PDE5A: variants seen among roughly 807,000 people sequenced by gnomAD.
PDE5A encodes cGMP-specific 3',5'-cyclic phosphodiesterase.
PDE5A carries 67 observed loss-of-function variants against 110.2 expected under a neutral mutation model. The observed-to-expected ratio is 0.61, with a 90% CI of 0.50 to 0.75. The LOEUF is 0.75. Ranked by LOEUF, PDE5A falls within the 30% of genes least tolerant of loss-of-function variation. The pLI is 0.00. For synonymous variants in PDE5A, 328 were observed against 351.2 expected (o/e 0.93, Z 0.74); for missense variants, 862 against 1,045.1 (o/e 0.82, Z 2.42).
chr4:119,537,126 G>A (rs2110482766), intron 11 of PDE5A, among the ~76,000 whole-genome samples: 1 of 152,148 alleles, frequency 6.6e-6, no homozygotes, highest in South Asian at 2.1e-4. Flanking sequence ...ACTGACTCCT[G>A]TGCCTCCGCC....
At chr4:119,563,592 A>AT (rs1212317486) in intron 5 of PDE5A, among the ~76,000 whole-genome samples, 1 of 152,186 alleles carries the variant, frequency 6.6e-6, no homozygotes, top group Non-Finnish European at 1.5e-5. Context: ...GGGAAGAGAA[A>AT]TATTTCAGGC....
At chr4:119,605,530 C>T (rs548988122) in intron 2 of PDE5A, among the ~76,000 whole-genome samples, 334 of 152,100 alleles carry the variant, frequency 2.2e-3, no homozygotes, top group African/African-American at 7.0e-3. Flanking sequence ...ACCTGTAATC[C>T]CAGCTACTCG....
In PDE5A at chr4:119,534,265, C is replaced by A. The variant is rs59361203; in HGVS notation, c.1632+4695G>T. Among the ~76,000 whole-genome samples, 422 of 152,220 alleles carry A rather than the reference C, an allele frequency of 2.8e-3. 3 individuals are homozygous for A. Among genetic ancestry groups the A allele is most frequent in the African/African-American group, 9.5e-3 (394 of 41,542 alleles). ...CACTGAGTTGTGGACTGGTACCCGA[C>A]CGTGGCTGGTTAGGAACCAGGCCAC... is the stretch of plus-strand genomic sequence containing the variant. On this transcript the variant is annotated intron_variant, in intron 11 of 20. Coordinates refer to ENST00000354960, the MANE Select transcript of PDE5A (RefSeq NM_001083.4).
chr4:119,609,468 C>G (rs1729667702), intron 1 of PDE5A, among the ~76,000 whole-genome samples: 1 of 152,284 alleles, frequency 6.6e-6, no homozygotes, highest in South Asian at 2.1e-4. Flanking sequence ...AAAGAACACA[C>G]TGTCTTATTT....
chr4:119,585,805 G>A (rs1361195006), intron 3 of PDE5A, among the ~76,000 whole-genome samples: 1 of 152,124 alleles, frequency 6.6e-6, no homozygotes, highest in Non-Finnish European at 1.5e-5. Context: ...CTTTGGAGAC[G>A]AGGTTATATA....
chr4:119,517,088 G>C (rs1725935625), intron 14 of PDE5A: 1 of 152,176 alleles, frequency 6.6e-6, no homozygotes, highest in South Asian at 2.1e-4. Flanking sequence ...TTCTATTGGA[G>C]AAATATCTTC....
intron 3 of PDE5A, among the ~76,000 whole-genome samples, chr4:119,584,790 C>A (rs953377095): frequency 1.3e-5 from 2 of 152,118 alleles, no homozygotes; most frequent in Non-Finnish European, 1.5e-5. Context: ...AGTGGATGCT[C>A]AAACAGTGTA....
intron 1 of PDE5A, among the ~76,000 whole-genome samples, 198 bp from the exon 2 acceptor site, chr4:119,607,495 G>C (rs1364820302): frequency 1.3e-5 from 2 of 152,200 alleles, no homozygotes; most frequent in Non-Finnish European, 2.9e-5. Flanking sequence ...CCACCACCTT[G>C]GGAGGCTGAG....
In PDE5A at chr4:119,524,798, T is replaced by G. The variant is rs190813232; in HGVS notation, c.1779+751A>C. ...CTGAATTCTTTTTTTTAAATAGTCC[T>G]TTCTGCTGCTTCTTATTCTTTGATG... is the stretch of plus-strand genomic sequence containing the variant. On this transcript the variant is annotated intron_variant, in intron 12 of 20. Transcript: ENST00000354960. Among the ~76,000 whole-genome samples the G allele has an allele frequency of 2.6e-5, 4 of 152,160 alleles. No homozygotes were observed. In the South Asian group the frequency reaches 6.2e-4, roughly 24 times the overall value.
Position 119,497,363 on chromosome 4 carries a change from A to G in PDE5A, c.*1238T>C, listed in dbSNP as rs1448606182. ...GGGCACACATGTAGAATATTAATCC[A>G]CTTAAATGGGCTCAAATTCTAAGAA... On this transcript the variant is annotated 3_prime_UTR_variant, in exon 21 of 21. Transcript: ENST00000354960. 6.6e-6 allele frequency: 1 copy of G among 152,134 alleles called. No individual in the cohort carries two copies. Among genetic ancestry groups the G allele is most frequent in the Non-Finnish European group, 1.5e-5 (1 of 67,992 alleles). The allele number at this position is 152,134 out of a possible 1,614,324, so 9.4% of individuals were successfully genotyped here.
At chr4:119,519,566 A>G (rs1224421203) in intron 13 of PDE5A, 1 of 155,254 alleles carries the variant, frequency 6.4e-6, no homozygotes, top group Non-Finnish European at 1.4e-5. Flanking sequence ...AACAATAGAA[A>G]GAAAATGATT....
intron 20 of PDE5A, 82 bp downstream of exon 20, chr4:119,501,088 G>A (rs969017978): frequency 8.6e-5 from 67 of 782,694 alleles, no homozygotes; most frequent in African/African-American, 1.2e-4. Flanking sequence ...AAATATAGGC[G>A]CCTAATATTA....
intron 14 of PDE5A, among the ~76,000 whole-genome samples, chr4:119,513,529 C>T (rs1725817056): frequency 6.6e-6 from 1 of 152,176 alleles, no homozygotes; most frequent in Admixed American, 6.5e-5. Flanking sequence ...TGACTTTCAT[C>T]TCAGGTTGTG....
At chr4:119,517,351 T>A (rs1330352382) in intron 14 of PDE5A, among the ~76,000 whole-genome samples, 3 of 151,920 alleles carry the variant, frequency 2.0e-5, no homozygotes, top group Non-Finnish European at 2.9e-5. Context: ...GTTTCCTGGG[T>A]CTCCTGGCTA....
chr4:119,563,558 A>G (rs1727819679), intron 5 of PDE5A, among the ~76,000 whole-genome samples: 1 of 152,138 alleles, frequency 6.6e-6, no homozygotes, highest in African/African-American at 2.4e-5. Flanking sequence ...CTGAAAGATG[A>G]GCAGGAATCA....
At chr4:119,513,939 CAG>C (rs1250680761) in intron 14 of PDE5A, among the ~76,000 whole-genome samples, 3 of 152,152 alleles carry the variant, frequency 2.0e-5, no homozygotes, top group Admixed American at 6.5e-5. Context: ...GAATCCATAA[CAG>C]AGTGACAAAT....
chr4:119,533,049 C>T (rs1388582271), intron 11 of PDE5A, among the ~76,000 whole-genome samples: 1 of 152,094 alleles, frequency 6.6e-6, no homozygotes, highest in Non-Finnish European at 1.5e-5. Flanking sequence ...GGAACTTGGT[C>T]TTTCATAAAA....
chr4:119,614,535 A>G (rs1270329777), intron 1 of PDE5A, among the ~76,000 whole-genome samples: 1 of 152,132 alleles, frequency 6.6e-6, no homozygotes, highest in Non-Finnish European at 1.5e-5. Flanking sequence ...CAAATCGCTC[A>G]TTTTATCATT....
chr4:119,509,098 A>T (rs977175770), intron 15 of PDE5A, among the ~76,000 whole-genome samples: 21 of 152,222 alleles, frequency 1.4e-4, no homozygotes, highest in Admixed American at 1.3e-3. Flanking sequence ...ATAACATGAC[A>T]TATACATTCC....
Sources: gnomAD v4.1 joint callset for allele counts (sites outside exome capture counted in the v4.1 genomes callset) on GRCh38, gnomAD v4.1.1 for gene constraint, MANE v1.5 for transcripts, NCBI Gene and HGNC (gene_info 2026-07-23, HGNC 2026-07-21) for gene names.